MYO5C: variants seen among roughly 807,000 people sequenced by gnomAD.
The protein encoded by MYO5C is unconventional myosin-Vc.
In MYO5C, 194 loss-of-function variants were observed where a neutral mutation model predicts 235.7. The ratio of observed to expected loss-of-function variants is 0.82; its 90% CI spans 0.73 to 0.93. MYO5C has a LOEUF of 0.93. Among genes scored for constraint, MYO5C ranks in the 40% least tolerant of loss-of-function variants. MYO5C has a pLI of 0.00. For missense variants in MYO5C, 2,038 were observed against 2,127.2 expected (o/e 0.96, Z 0.82); for synonymous variants, 707 against 754.8 (o/e 0.94, Z 1.04).
chr15:52,225,075 C>T lies in MYO5C; in HGVS notation c.3365G>A (p.Arg1122Lys), dbSNP rs2035790709. 6.2e-7 allele frequency: 1 copy of T among 1,614,022 alleles called. No homozygotes were observed. The highest frequency in any genetic ancestry group is 1.3e-5 in the African/African-American group (1 of 75,026). The change falls in exon 27 of 41, where the codon AGG becomes AAG. Residue 1122 changes from arginine (R) to lysine (K), a missense_variant and splice_region_variant. By Grantham distance (26) the Arg-to-Lys change is conservative. Coordinates refer to ENST00000261839, the MANE Select transcript of MYO5C (RefSeq NM_018728.4). ...TGTTTGATAATGCAAAAATGATTAC[C>T]TGCTTCTTACATCTTCAATGTCATA... is the stretch of plus-strand genomic sequence containing the variant. Reference protein sequence around the residue: ...ESYDIEDVRSRLSVEDLEHLN... With the variant: ...ESYDIEDVRSKLSVEDLEHLN...
intron 1 of MYO5C, among the ~76,000 whole-genome samples, chr15:52,287,517 T>C (rs527751667): frequency 6.6e-6 from 1 of 152,334 alleles, no homozygotes; most frequent in East Asian, 1.9e-4. Context: ...ATCAGAACAA[T>C]GAATGTTAAT....
chr15:52,240,305 C>T (rs1021416618), intron 20 of MYO5C, among the ~76,000 whole-genome samples: 1 of 151,872 alleles, frequency 6.6e-6, no homozygotes, highest in Non-Finnish European at 1.5e-5. Context: ...GCCTATGGCT[C>T]ACACCGTAAT....
At chr15:52,210,230 C>T (rs2035416451) in intron 35 of MYO5C, among the ~76,000 whole-genome samples, 1 of 152,258 alleles carries the variant, frequency 6.6e-6, no homozygotes, top group African/African-American at 2.4e-5. Flanking sequence ...TCCCAAAGTG[C>T]TGGGATTACA....
intron 25 of MYO5C, among the ~76,000 whole-genome samples, chr15:52,226,136 A>C (rs1355029287): frequency 6.6e-6 from 1 of 152,154 alleles, no homozygotes; most frequent in Non-Finnish European, 1.5e-5. Flanking sequence ...CAGGGGGAAG[A>C]CTGAGAAAGG....
intron 17 of MYO5C, 41 bp from the exon 18 acceptor site, chr15:52,245,506 A>G: frequency 7.0e-7 from 1 of 1,424,256 alleles, no homozygotes; most frequent in East Asian, 2.3e-5. Flanking sequence ...GTGTCAGAGG[A>G]AGCACATTGT....
At chr15:52,230,393 A>G (rs1178209419) in intron 24 of MYO5C, among the ~76,000 whole-genome samples, 1 of 151,574 alleles carries the variant, frequency 6.6e-6, no homozygotes, top group East Asian at 1.9e-4. Flanking sequence ...AATTTGTTTG[A>G]TTTCTTTTTT....
chr15:52,277,505 C>G (rs77333260), intron 4 of MYO5C, among the ~76,000 whole-genome samples: 2,084 of 152,264 alleles, frequency 0.014, 75 homozygotes, highest in South Asian at 0.13. Flanking sequence ...TTCTTAGGGA[C>G]TAGGCCCCAG....
intron 6 of MYO5C, among the ~76,000 whole-genome samples, chr15:52,272,072 G>A (rs1270320967): frequency 2.6e-5 from 4 of 152,144 alleles, no homozygotes; most frequent in Non-Finnish European, 1.5e-5. Flanking sequence ...AAATGAAAAC[G>A]TCCTATGAAA....
rs118175616 is a variant in MYO5C, at chr15:52,261,204, G to A, written c.1048-77C>T. ...ACAATCCCACCCGGCCAAGGCCCCC[G>A]TGCCCACACTCAGGCCTGTGCAAGA... On this transcript the variant is annotated intron_variant, in intron 9 of 40. Transcript: ENST00000261839. 8.0e-4 allele frequency: 1,227 copies of A among 1,533,714 alleles called. 16 individuals carry two copies. In the East Asian group the frequency reaches 0.026, roughly 33 times the overall value.
intron 28 of MYO5C, 116 bp downstream of exon 28, chr15:52,224,785 G>T: frequency 1.3e-6 from 1 of 779,856 alleles, no homozygotes; most frequent in Non-Finnish European, 2.1e-6. Flanking sequence ...TGGTTATTCA[G>T]TCATTCTACT....
At chr15:52,293,430 C>T (rs915618974) in intron 1 of MYO5C, among the ~76,000 whole-genome samples, 6 of 152,188 alleles carry the variant, frequency 3.9e-5, no homozygotes, top group Non-Finnish European at 4.4e-5. Flanking sequence ...CCCATCCCCT[C>T]CCTCTGACAC....
At chr15:52,249,231 C>G (rs927320642) in intron 13 of MYO5C, among the ~76,000 whole-genome samples, 1 of 152,202 alleles carries the variant, frequency 6.6e-6, no homozygotes, top group Admixed American at 6.5e-5. Flanking sequence ...GACCACCAAG[C>G]CTTCAAGAGC....
chr15:52,205,045 G>A lies in MYO5C; in HGVS notation c.4640C>T (p.Thr1547Ile), dbSNP rs552769435. ...CAGCTGTTGCAGGACGGAGGTCATG[G>A]TGTAGCCGTCCGTGTCGTCTATGCT... is the stretch of plus-strand genomic sequence containing the variant. Reference protein sequence around the residue: ...SSSIDDTDGYTMTSVLQQLSY... With the variant: ...SSSIDDTDGYIMTSVLQQLSY... Residue 1547 changes from threonine (T) to isoleucine (I), a missense_variant, in exon 38 of 41, where the codon ACC (threonine) becomes ATC (isoleucine). Transcript: ENST00000261839. The A allele has an allele frequency of 6.2e-7, 1 of 1,614,102 alleles. No individual in the cohort carries two copies.
intron 4 of MYO5C, among the ~76,000 whole-genome samples, chr15:52,277,667 C>T (rs2037081639): frequency 6.6e-6 from 1 of 152,090 alleles, no homozygotes; most frequent in Non-Finnish European, 1.5e-5. Flanking sequence ...CCCTCATATG[C>T]CTTGTTACCT....
intron 20 of MYO5C, among the ~76,000 whole-genome samples, chr15:52,240,245 CAA>C (rs1461834492): frequency 6.6e-6 from 1 of 151,400 alleles, no homozygotes; most frequent in East Asian, 1.9e-4. Context: ...CTAGTTATTT[CAA>C]AAAGATACTT....
intron 39 of MYO5C, 127 bp from the exon 40 acceptor site, chr15:52,195,584 G>C: frequency 1.9e-6 from 1 of 536,586 alleles, no homozygotes; most frequent in South Asian, 3.9e-5. Context: ...ATTTGGTTCA[G>C]GAACTGTATG....
At chr15:52,240,026 C>T (rs1641802048) in intron 20 of MYO5C, 147 bp from the exon 21 acceptor site, 1 of 773,444 alleles carries the variant, frequency 1.3e-6, no homozygotes, top group South Asian at 2.1e-5. Context: ...CTAGACTTTT[C>T]AAACAATAAC....
intron 11 of MYO5C, 134 bp downstream of exon 11, chr15:52,256,505 T>A: frequency 1.6e-6 from 1 of 624,578 alleles, no homozygotes; most frequent in Admixed American, 2.9e-5. Context: ...TGACCCAGCG[T>A]GAGGCTCCTT....
chr15:52,258,812 G>A (rs1330066310), intron 10 of MYO5C, among the ~76,000 whole-genome samples: 1 of 152,192 alleles, frequency 6.6e-6, no homozygotes, highest in Admixed American at 6.5e-5. Context: ...AAGTCTTTGT[G>A]TATTTATAAA....
Sources: allele counts gnomAD v4.1 joint callset (sites outside exome capture counted in the v4.1 genomes callset), GRCh38; gene constraint gnomAD v4.1.1; transcripts MANE v1.5; gene names NCBI Gene and HGNC (gene_info 2026-07-23, HGNC 2026-07-21).